KLF12: variants seen among roughly 807,000 people sequenced by gnomAD.
KLF12 encodes the protein KLF transcription factor 12.
KLF12 carries 9 observed loss-of-function variants against 37.8 expected under a neutral mutation model. That is an observed-to-expected ratio of 0.24 (90% confidence interval 0.14 to 0.42). The LOEUF (loss-of-function observed/expected upper bound fraction) is 0.42. Ranked by LOEUF, KLF12 falls within the 10% of genes least tolerant of loss-of-function variation. The pLI, the probability that KLF12 is intolerant of heterozygous loss-of-function variation, is 1.00. For missense variants in KLF12, 411 were observed against 516.0 expected (o/e 0.80, Z 1.97); for synonymous variants, 208 against 202.1 (o/e 1.03, Z -0.25).
At chr13:73,866,020 C>T (rs1594188302) in intron 3 of KLF12, among the ~76,000 whole-genome samples, 1 of 152,162 alleles carries the variant, frequency 6.6e-6, no homozygotes, top group Non-Finnish European at 1.5e-5. Context: ...CTTTGGGAGG[C>T]GGAGGTGGGT....
intron 7 of KLF12, among the ~76,000 whole-genome samples, chr13:73,709,853 C>T (rs1028863926): frequency 4.6e-5 from 7 of 152,174 alleles, no homozygotes; most frequent in Admixed American, 6.5e-5. Flanking sequence ...GGAGGCCTCT[C>T]GGATCATGTC....
At chr13:74,143,203 A>ACT in the KLF12 span, among the ~76,000 whole-genome samples, 1 of 144,754 alleles carries the variant, frequency 6.9e-6, no homozygotes, top group Non-Finnish European at 1.5e-5. Flanking sequence ...CCTCTTTCTT[A>ACT]CTCTCTCTCT....
chr13:74,160,383 A>G, the KLF12 span, among the ~76,000 whole-genome samples: 6 of 152,322 alleles, frequency 3.9e-5, no homozygotes, highest in South Asian at 1.2e-3. Flanking sequence ...GTAACTAGAT[A>G]TTAATTGAAA....
At chr13:74,193,397 T>C in the KLF12 span, among the ~76,000 whole-genome samples, 1 of 152,170 alleles carries the variant, frequency 6.6e-6, no homozygotes, top group Non-Finnish European at 1.5e-5. Flanking sequence ...TACCCTTTCT[T>C]TACAAATGAG....
At chr13:74,028,528 A>G (rs1422302516) in intron 1 of KLF12, among the ~76,000 whole-genome samples, 1 of 152,128 alleles carries the variant, frequency 6.6e-6, no homozygotes, top group African/African-American at 2.4e-5. Context: ...AAGTACTTAT[A>G]GCTACAATAT....
rs185369093 is a variant in KLF12 at position 74,091,773 on chromosome 13, G to C, written c.-32+41966C>G. Among the ~76,000 whole-genome samples, 20 of 152,176 alleles carry C rather than the reference G, an allele frequency of 1.3e-4. No individual in the cohort carries two copies. In the East Asian group the frequency reaches 3.9e-3, roughly 29 times the overall value. On this transcript the variant is annotated intron_variant, in intron 1 of 7. Transcript: ENST00000377669. ...CATTGTGAATTTGTCTAAAAGCTAT[G>C]AAAAGCCAACACCAAGAGTGAATCC...
At chr13:73,739,489 T>A (rs1031434781) in intron 6 of KLF12, among the ~76,000 whole-genome samples, 13 of 152,082 alleles carry the variant, frequency 8.5e-5, no homozygotes, top group African/African-American at 3.1e-4. Context: ...ATGTATGTCA[T>A]ATAGCTCATG....
At chr13:73,788,261 G>A (rs535749223) in intron 5 of KLF12, among the ~76,000 whole-genome samples, 1 of 152,262 alleles carries the variant, frequency 6.6e-6, no homozygotes, top group African/African-American at 2.4e-5. Flanking sequence ...ATTCACATAA[G>A]TTTATTTTAA....
chr13:74,259,500 A>G, the KLF12 span: 1 of 152,076 alleles, frequency 6.6e-6, no homozygotes, highest in Non-Finnish European at 1.5e-5. Flanking sequence ...TCACTAATCC[A>G]TGTCCCTCCC....
intron 1 of KLF12, among the ~76,000 whole-genome samples, chr13:74,001,353 G>A (rs1216112040): frequency 1.3e-5 from 2 of 152,258 alleles, no homozygotes; most frequent in South Asian, 4.1e-4. Flanking sequence ...AATATTGAAA[G>A]CAACTGAAAA....
chr13:74,254,929 T>C, the KLF12 span, among the ~76,000 whole-genome samples: 1 of 152,130 alleles, frequency 6.6e-6, no homozygotes, highest in Non-Finnish European at 1.5e-5. Context: ...AAATGGACCA[T>C]AGAGCTCAAG....
chr13:73,721,718 A>T (rs891872226), intron 6 of KLF12, among the ~76,000 whole-genome samples: 4 of 145,408 alleles, frequency 2.8e-5, no homozygotes, highest in African/African-American at 5.1e-5. Flanking sequence ...TGCCTAGTTA[A>T]TTTTTTTTTT....
At chr13:74,199,622 G>A in the KLF12 span, among the ~76,000 whole-genome samples, 1 of 152,160 alleles carries the variant, frequency 6.6e-6, no homozygotes, top group Non-Finnish European at 1.5e-5. Flanking sequence ...TCTACTTGCA[G>A]GATGGCAGAA....
rs77116972 is a variant in KLF12 at position 73,757,153 on chromosome 13, C to T, written c.869+7785G>A. 4.5e-4 allele frequency among the ~76,000 whole-genome samples: 68 copies of T among 152,216 alleles called. No individual in the cohort carries two copies. In the East Asian group the frequency reaches 0.011, roughly 24 times the overall value. Reference sequence around the variant, plus strand: ...CTCATAAATTTACACAAAAAAAGAACTTCATCTGATAAAAGGGACTAAACT... The same window carrying T: ...CTCATAAATTTACACAAAAAAAGAATTTCATCTGATAAAAGGGACTAAACT... On this transcript the variant is annotated intron_variant, in intron 6 of 7. Coordinates refer to ENST00000377669, the MANE Select transcript of KLF12 (RefSeq NM_007249.5).
intron 6 of KLF12, among the ~76,000 whole-genome samples, chr13:73,739,129 G>A (rs927471850): frequency 6.6e-6 from 1 of 151,936 alleles, no homozygotes; most frequent in African/African-American, 2.4e-5. Flanking sequence ...CACTACTCGG[G>A]AGGCTGAGGC....
intron 3 of KLF12, among the ~76,000 whole-genome samples, chr13:73,903,904 T>C (rs192423656): frequency 3.9e-5 from 6 of 152,172 alleles, no homozygotes; most frequent in African/African-American, 1.2e-4. Flanking sequence ...TGAGGTGGAA[T>C]AGTTTCATCC....
chr13:73,723,741 C>A (rs1876447542), intron 6 of KLF12, among the ~76,000 whole-genome samples: 2 of 152,182 alleles, frequency 1.3e-5, no homozygotes, highest in South Asian at 4.2e-4. Context: ...TTAAGCTACT[C>A]AAGAGTGAAG....
chr13:74,223,292 T>A, the KLF12 span, among the ~76,000 whole-genome samples: 1 of 152,232 alleles, frequency 6.6e-6, no homozygotes, highest in African/African-American at 2.4e-5. Context: ...TGTATGTAGA[T>A]GGTGAAACCA....
At chr13:74,007,433 G>A (rs548217842) in intron 1 of KLF12, among the ~76,000 whole-genome samples, 64 of 41,648 alleles carry the variant, frequency 1.5e-3, no homozygotes, top group African/African-American at 4.1e-3. Context: ...CACCACGCCC[G>A]GTAATTTTTT....
Sources: gnomAD v4.1 joint callset for allele counts (sites outside exome capture counted in the v4.1 genomes callset) on GRCh38, gnomAD v4.1.1 for gene constraint, MANE v1.5 for transcripts, NCBI Gene and HGNC (gene_info 2026-07-23, HGNC 2026-07-21) for gene names.